Variants in PTPRS observed in about 807,000 individuals in gnomAD.
The protein encoded by PTPRS is protein tyrosine phosphatase receptor type S.
Under a neutral mutation model 215.3 loss-of-function variants are expected in PTPRS, and 63 were observed. That is an observed-to-expected ratio of 0.29 (90% CI 0.24 to 0.36). The LOEUF (loss-of-function observed/expected upper bound fraction) is 0.36. PTPRS is among the 10% of genes least tolerant of loss of function. The pLI is 1.00. For missense variants in PTPRS, 2,258 were observed against 2,825.8 expected (o/e 0.80, Z 4.56); for synonymous variants, 1,404 against 1,191.4 (o/e 1.18, Z -3.68).
At chr19:5,221,793 G>A (rs999770984) in intron 19 of PTPRS, among the ~76,000 whole-genome samples, 2 of 151,808 alleles carry the variant, frequency 1.3e-5, no homozygotes, top group Admixed American at 1.3e-4. Context: ...GCTAAGCCAT[G>A]ATCTAAGGCT....
At chr19:5,216,811 A>G (rs781505181) in intron 25 of PTPRS, 44 bp from the exon 26 acceptor site, 133 of 1,267,518 alleles carry the variant, frequency 1.0e-4, no homozygotes, top group Middle Eastern at 6.7e-4. Context: ...TGCAGGGGGT[A>G]GGGGGGGGTC....
intron 13 of PTPRS, among the ~76,000 whole-genome samples, chr19:5,235,015 A>T (rs557578544): frequency 2.0e-4 from 30 of 146,640 alleles, no homozygotes; most frequent in Non-Finnish European, 3.6e-4. Context: ...ATCTCGGCTC[A>T]CTGCAAGCTC....
At chr19:5,327,892 T>C (rs2050212772) in intron 1 of PTPRS, among the ~76,000 whole-genome samples, 2 of 152,020 alleles carry the variant, frequency 1.3e-5, no homozygotes, top group Non-Finnish European at 2.9e-5. Flanking sequence ...TGAGTCACCA[T>C]GCCCGGGTAC....
intron 18 of PTPRS, 61 bp downstream of exon 18, chr19:5,222,628 T>TGGGGTG (rs1568403350): frequency 1.3e-5 from 7 of 522,756 alleles, no homozygotes; most frequent in Admixed American, 1.1e-4. Context: ...GGGAGGGGGC[T>TGGGGTG]GGGGTGGGGG....
At chr19:5,242,201 TA>T (rs60099245) in intron 11 of PTPRS, among the ~76,000 whole-genome samples, 73,305 of 152,014 alleles carry the variant, frequency 0.48, 18,716 homozygotes, top group African/African-American at 0.58. Context: ...GGGAGGTTCT[TA>T]AAACTCAAAT....
chr19:5,322,685 G>A (rs903305712), intron 1 of PTPRS, among the ~76,000 whole-genome samples: 2 of 151,980 alleles, frequency 1.3e-5, no homozygotes, highest in Admixed American at 1.3e-4. Context: ...TTCGAGACCA[G>A]CCTGACCAAC....
At chr19:5,278,962 A>G (rs910289596) in intron 2 of PTPRS, among the ~76,000 whole-genome samples, 1 of 151,852 alleles carries the variant, frequency 6.6e-6, no homozygotes, top group Admixed American at 6.6e-5. Flanking sequence ...AGGCTGGGGC[A>G]GGCTCACTAG....
At chr19:5,258,206 C>T in intron 7 of PTPRS, 79 bp from the exon 8 acceptor site, 4 of 1,203,384 alleles carry the variant, frequency 3.3e-6, no homozygotes, top group Non-Finnish European at 4.9e-6. Context: ...CACCAGAGTG[C>T]TCTCTGGCCT....
At chr19:5,218,243 CTA>C (rs1262728674) in intron 25 of PTPRS, among the ~76,000 whole-genome samples, 175 bp downstream of exon 25, 2 of 151,828 alleles carry the variant, frequency 1.3e-5, no homozygotes, top group Admixed American at 6.6e-5. Flanking sequence ...CAGAACCAAC[CTA>C]TGAGTTCCAA....
rs562756179 is a variant in PTPRS at position 5,313,590 on chromosome 19, C to G, written c.-95+27074G>C. 1.4e-4 allele frequency among the ~76,000 whole-genome samples: 22 copies of G among 152,214 alleles called. No homozygotes were observed. The East Asian group carries it at 3.5e-3, about 24-fold the overall frequency. The stretch of plus-strand genomic sequence containing the variant: ...CAACGGGGACCTCCCTACCTGTCTC[C>G]GTGTGATGTGTTTATCAAGAGGACG... On this transcript the variant is annotated intron_variant, in intron 1 of 37. Transcript: ENST00000262963.
At chr19:5,264,571 A>G (rs1449357968) in intron 5 of PTPRS, among the ~76,000 whole-genome samples, 5 of 152,088 alleles carry the variant, frequency 3.3e-5, no homozygotes, top group African/African-American at 4.8e-5. Context: ...TTGGCCTCCC[A>G]AAGAGCTCGG....
chr19:5,261,123 T>C (rs2146306425), intron 6 of PTPRS, among the ~76,000 whole-genome samples: 1 of 152,052 alleles, frequency 6.6e-6, no homozygotes, highest in Middle Eastern at 3.4e-3. Context: ...GTGAGGGGCG[T>C]CTCTATGCCC....
chr19:5,217,515 A>C (rs1465675584), intron 25 of PTPRS, among the ~76,000 whole-genome samples: 1 of 151,500 alleles, frequency 6.6e-6, no homozygotes, highest in Admixed American at 6.6e-5. Context: ...GGATGAAAAC[A>C]GAAGTGACAC....
chr19:5,309,178 G>A (rs1174373736), intron 1 of PTPRS, among the ~76,000 whole-genome samples: 1 of 144,154 alleles, frequency 6.9e-6, no homozygotes, highest in African/African-American at 2.4e-5. Context: ...TGGCTCTGGT[G>A]GTGAGCAGAG....
At chr19:5,283,558 CAGA>C (rs2048060204) in intron 2 of PTPRS, among the ~76,000 whole-genome samples, 2 of 151,640 alleles carry the variant, frequency 1.3e-5, no homozygotes, top group Admixed American at 6.6e-5. Context: ...GCCCAGGAGA[CAGA>C]AGGAGACTCC....
intron 16 of PTPRS, among the ~76,000 whole-genome samples, chr19:5,226,523 G>A (rs1383874187): frequency 6.6e-6 from 1 of 151,104 alleles, no homozygotes; most frequent in African/African-American, 2.4e-5. Flanking sequence ...TTAAGGTCAG[G>A]AGTTCCAGAC....
intron 1 of PTPRS, among the ~76,000 whole-genome samples, chr19:5,316,901 G>A (rs777196246): frequency 1.3e-5 from 2 of 152,202 alleles, no homozygotes; most frequent in Non-Finnish European, 2.9e-5. Flanking sequence ...GCACTCCCAG[G>A]CACCGGGGAC....
chr19:5,206,109 C>T lies in PTPRS; in HGVS notation c.*665G>A, dbSNP rs1002789299. 1.9e-4 allele frequency among the ~76,000 whole-genome samples: 28 copies of T among 145,284 alleles called. No homozygotes were observed. The highest frequency in any genetic ancestry group is 7.0e-4 in the African/African-American group (27 of 38,724). ...AGCCAAGGTACAGCCATGGGCCTGG[C>T]GTGCGCGTTTGCGAACGTAACTATC... On this transcript the variant is annotated 3_prime_UTR_variant, in exon 38 of 38. Transcript: ENST00000262963.
intron 1 of PTPRS, among the ~76,000 whole-genome samples, chr19:5,317,013 C>G (rs868401218): frequency 2.6e-5 from 4 of 152,214 alleles, no homozygotes; most frequent in Non-Finnish European, 5.9e-5. Flanking sequence ...CCAACTATAG[C>G]TGGGGCTCCT....
Sources: allele counts gnomAD v4.1 joint callset (sites outside exome capture counted in the v4.1 genomes callset), GRCh38; gene constraint gnomAD v4.1.1; transcripts MANE v1.5; gene names NCBI Gene and HGNC (gene_info 2026-07-23, HGNC 2026-07-21).